The following MTA1 variants were observed in gnomAD, a reference collection of about 807,000 sequenced individuals.
MTA1 encodes the protein metastasis associated 1, also known as metastasis-associated protein MTA1.
MTA1 carries 15 observed loss-of-function variants against 97.0 expected under a neutral mutation model. That is an observed-to-expected ratio of 0.15 (90% CI 0.10 to 0.24). The LOEUF (loss-of-function observed/expected upper bound fraction) is 0.24, where lower values mean the gene tolerates loss of function less well. Among genes scored for constraint, MTA1 ranks in the 10% least tolerant of loss-of-function variants. The pLI is 1.00. For synonymous variants in MTA1, 435 were observed against 417.5 expected (o/e 1.04, Z -0.51); for missense variants, 709 against 1,015.1 (o/e 0.70, Z 4.10).
intron 18 of MTA1, chr14:105,467,369 G>T (rs1435980786): frequency 2.2e-6 from 1 of 454,282 alleles, no homozygotes; most frequent in South Asian, 1.6e-5. Flanking sequence ...TCGCCAGGCG[G>T]CTTTCACTGA....
intron 6 of MTA1, 40 bp downstream of exon 6, chr14:105,450,364 G>A (rs111785520): frequency 5.6e-5 from 89 of 1,578,692 alleles, no homozygotes; most frequent in South Asian, 8.0e-5. Context: ...AGCCAGTCCC[G>A]GGCCACTGTT....
intron 1 of MTA1, among the ~76,000 whole-genome samples, chr14:105,436,424 G>C (rs587749015): frequency 6.6e-6 from 1 of 152,102 alleles, no homozygotes; most frequent in East Asian, 1.9e-4. Flanking sequence ...TTCCTTTTAC[G>C]TGTACAGTTC....
At chr14:105,465,314 T>C in intron 16 of MTA1, 131 bp downstream of exon 16, 1 of 743,566 alleles carries the variant, frequency 1.3e-6, no homozygotes, top group Non-Finnish European at 2.0e-6. Context: ...CCTGGAACTG[T>C]CCTTTTGGGG....
At position 105,463,293 on chromosome 14, in the gene MTA1, C is replaced by T; in HGVS notation, c.1017+35C>T. ...CCCGCCACTCAGTGCCCGGGGTGTGCCGCCTCCCCGTCCTGCGCCCCATCC... is the reference window on the plus strand; with the variant it reads ...CCCGCCACTCAGTGCCCGGGGTGTGTCGCCTCCCCGTCCTGCGCCCCATCC... On this transcript the variant is annotated intron_variant, in intron 11 of 20. Transcript: ENST00000331320. This position sits in a 1 kb window ranked among gnomAD's most constrained non-coding sequence, Gnocchi z 5.9. 6.2e-7 allele frequency: 1 copy of T among 1,605,968 alleles called. No homozygotes were observed.
chr14:105,438,992 T>G (rs2082414602), intron 2 of MTA1, among the ~76,000 whole-genome samples: 1 of 152,158 alleles, frequency 6.6e-6, no homozygotes, highest in Non-Finnish European at 1.5e-5. Context: ...ACTCTACACT[T>G]GGTCTGTGGG....
At chr14:105,455,780 C>T (rs1431430116) in intron 7 of MTA1, among the ~76,000 whole-genome samples, 1 of 152,224 alleles carries the variant, frequency 6.6e-6, no homozygotes. Context: ...TTGCAAGCAT[C>T]TGTGCTCTGG....
chr14:105,464,846 C>T lies in MTA1; in HGVS notation c.1517C>T (p.Ala506Val), dbSNP rs781907783. 75 of 1,582,274 alleles carry T rather than the reference C, an allele frequency of 4.7e-5. No homozygotes were observed. The highest frequency in any genetic ancestry group is 2.7e-4 in the East Asian group (12 of 44,310). ...CACCCCTACCTGCCCATCAACAGCG[C>T]GGCCATCAAGGCCGAGTGTGAGTCA... ...ARHPYLPINS[A>V]AIKAECTARL... The change falls in exon 15 of 21, where the codon GCG becomes GTG. Residue 506 changes from alanine (A) to valine (V), a missense_variant. Physicochemically the swap from Ala to Val is moderately conservative, Grantham distance 64. Coordinates refer to ENST00000331320, the MANE Select transcript of MTA1 (RefSeq NM_004689.4).
At chr14:105,467,023 C>T (rs2083621792) in intron 18 of MTA1, 1 of 549,686 alleles carries the variant, frequency 1.8e-6, no homozygotes, top group South Asian at 2.1e-5. Flanking sequence ...CGCTGTCTGC[C>T]ATCGCGCTGT....
intron 1 of MTA1, among the ~76,000 whole-genome samples, chr14:105,427,639 T>C (rs926118755): frequency 1.3e-5 from 2 of 152,194 alleles, no homozygotes; most frequent in Non-Finnish European, 2.9e-5. Flanking sequence ...AGAGGTACGG[T>C]GTTCAGTATT....
chr14:105,459,017 C>T (rs879990406), intron 8 of MTA1, among the ~76,000 whole-genome samples: 1 of 151,602 alleles, frequency 6.6e-6, no homozygotes, highest in African/African-American at 2.4e-5. Flanking sequence ...GGGGGGAGTC[C>T]GCGCTGCCCG....
At position 105,445,422 on chromosome 14, in the gene MTA1, C is replaced by A; in HGVS notation, c.101C>A (p.Ala34Asp). The part of the protein sequence containing the change: ...IRRIEELNKT[A>D]NGNVEAKVVC... ...GCCCCTGCCTTGCTGTTACAGACGG[C>A]CAATGGGAACGTGGAGGCCAAAGTG... The change falls in exon 3 of 21, where the codon GCC (alanine) becomes GAC (aspartate). Residue 34 changes from alanine to aspartate, a missense_variant. Coordinates refer to ENST00000331320, the MANE Select transcript of MTA1 (RefSeq NM_004689.4). 6.2e-7 allele frequency: 1 copy of A among 1,613,612 alleles called. No homozygotes were observed. The highest frequency in any genetic ancestry group is 1.1e-5 in the South Asian group (1 of 91,048).
At chr14:105,468,683 CCTGA>C (rs1168222847) in intron 18 of MTA1, among the ~76,000 whole-genome samples, 16 of 152,278 alleles carry the variant, frequency 1.1e-4, no homozygotes, top group Non-Finnish European at 1.6e-4. Flanking sequence ...GGCCCTGGCA[CCTGA>C]CTGAGTTGAG....
chr14:105,437,233 G>A (rs879964390), intron 1 of MTA1, among the ~76,000 whole-genome samples: 146 of 129,614 alleles, frequency 1.1e-3, no homozygotes, highest in Non-Finnish European at 2.0e-3. Flanking sequence ...GTGTCCTCAC[G>A]GGCGTGTGCC....
intron 1 of MTA1, among the ~76,000 whole-genome samples, chr14:105,425,324 T>C (rs2081976374): frequency 6.6e-6 from 1 of 152,164 alleles, no homozygotes; most frequent in Non-Finnish European, 1.5e-5. Context: ...TTGCCCAGGC[T>C]GGAGTGCAGT....
chr14:105,452,346 G>A (rs191244816), intron 6 of MTA1, among the ~76,000 whole-genome samples: 18 of 152,352 alleles, frequency 1.2e-4, no homozygotes, highest in Non-Finnish European at 1.5e-4. Flanking sequence ...GACCAGTGGC[G>A]CAGTCCGGCA....
intron 6 of MTA1, among the ~76,000 whole-genome samples, chr14:105,452,203 C>T (rs958461740): frequency 2.8e-4 from 43 of 152,236 alleles, no homozygotes; most frequent in Non-Finnish European, 5.0e-4. Context: ...GTGCCACTGG[C>T]CCCTGGGCGA....
chr14:105,458,577 C>T (rs1022270126), intron 8 of MTA1, among the ~76,000 whole-genome samples: 2 of 152,158 alleles, frequency 1.3e-5, no homozygotes, highest in Non-Finnish European at 2.9e-5. Flanking sequence ...AATAGAAGGG[C>T]GGCCCTTCTG....
intron 1 of MTA1, among the ~76,000 whole-genome samples, chr14:105,436,119 A>C (rs1476730699): frequency 6.6e-6 from 1 of 152,188 alleles, no homozygotes; most frequent in Non-Finnish European, 1.5e-5. Context: ...AAATACAAAA[A>C]TTAACTGGGC....
At position 105,463,291 on chromosome 14, in the gene MTA1, T is replaced by TGCCGCCTCCCCGTCCTGC; in HGVS notation, c.1017+37_1017+54dup. 6.2e-7 allele frequency: 1 copy of TGCCGCCTCCCCGTCCTGC among 1,607,342 alleles called. No individual in the cohort carries two copies. Among genetic ancestry groups the TGCCGCCTCCCCGTCCTGC allele is most frequent in the South Asian group, 1.1e-5 (1 of 90,872 alleles). On this transcript the variant is annotated intron_variant, in intron 11 of 20. Transcript: ENST00000331320. The surrounding 1 kb of genome is among the most constrained non-coding windows in gnomAD (Gnocchi z 5.9). ...CGCCCGCCACTCAGTGCCCGGGGTG[T>TGCCGCCTCCCCGTCCTGC]GCCGCCTCCCCGTCCTGCGCCCCAT...
Sources: gnomAD v4.1 joint callset for allele counts (sites outside exome capture counted in the v4.1 genomes callset) on GRCh38, gnomAD v4.1.1 for gene constraint, Gnocchi (gnomAD v3.1) non-coding constraint, MANE v1.5 for transcripts, NCBI Gene and HGNC (gene_info 2026-07-23, HGNC 2026-07-21) for gene names.